Variants in CNTNAP2 observed in about 807,000 individuals in gnomAD.
The protein encoded by CNTNAP2 is contactin associated protein 2, also known as contactin-associated protein-like 2.
Under a neutral mutation model 155.2 loss-of-function variants are expected in CNTNAP2, and 98 were observed. The ratio of observed to expected loss-of-function variants is 0.63; its 90% CI spans 0.54 to 0.75. The LOEUF is 0.75. Ranked by LOEUF, CNTNAP2 falls within the 30% of genes least tolerant of loss-of-function variation. The probability of loss-of-function intolerance (pLI) is 0.00; values close to 1 mark genes in which losing one functional copy is unlikely to be tolerated. For synonymous variants in CNTNAP2, 651 were observed against 631.2 expected, an observed-to-expected ratio of 1.03 and a Z score of -0.47; for missense variants, 1,727 against 1,688.1, an observed-to-expected ratio of 1.02 and a Z score of -0.40.
chr7:147,529,069 T>C (rs913231936), intron 11 of CNTNAP2, among the ~76,000 whole-genome samples: 1 of 152,186 alleles, frequency 6.6e-6, no homozygotes, highest in Non-Finnish European at 1.5e-5. Flanking sequence ...TAGAATCAAA[T>C]GGCACAGAAA....
intron 1 of CNTNAP2, among the ~76,000 whole-genome samples, chr7:146,401,366 T>TA (rs1795711408): frequency 6.6e-6 from 1 of 151,846 alleles, no homozygotes; most frequent in Non-Finnish European, 1.5e-5. Context: ...AAATAAAAAA[T>TA]AAAAAATAAG....
intron 22 of CNTNAP2, among the ~76,000 whole-genome samples, chr7:148,403,017 T>G (rs1379910790): frequency 1.5e-4 from 7 of 46,418 alleles, no homozygotes; most frequent in Admixed American, 9.5e-4. Flanking sequence ...CAAATTTATC[T>G]TCTGTAGTTA....
chr7:147,626,240 G>A (rs983354235), intron 12 of CNTNAP2, among the ~76,000 whole-genome samples: 3 of 152,100 alleles, frequency 2.0e-5, no homozygotes, highest in East Asian at 3.9e-4. Context: ...CAGATGCAAA[G>A]GAGCAAGGGC....
chr7:146,844,760 C>T (rs1408634504), intron 3 of CNTNAP2, among the ~76,000 whole-genome samples: 2 of 152,024 alleles, frequency 1.3e-5, no homozygotes, highest in African/African-American at 2.4e-5. Flanking sequence ...GTCATATGAG[C>T]GCAGTTTTTG....
intron 13 of CNTNAP2, among the ~76,000 whole-genome samples, chr7:147,819,449 A>C (rs1784137838): frequency 6.6e-6 from 1 of 151,974 alleles, no homozygotes; most frequent in Admixed American, 6.6e-5. Flanking sequence ...CCAGATCTTG[A>C]TCCTCATTTT....
At chr7:146,837,687 T>C (rs556997850) in intron 2 of CNTNAP2, among the ~76,000 whole-genome samples, 24 of 152,324 alleles carry the variant, frequency 1.6e-4, no homozygotes, top group African/African-American at 4.8e-4. Context: ...CTTTCCTTAA[T>C]GGAGTGTCAA....
intron 22 of CNTNAP2, among the ~76,000 whole-genome samples, chr7:148,391,468 CT>C (rs1227783806): frequency 8.2e-6 from 1 of 121,964 alleles, no homozygotes; most frequent in Non-Finnish European, 1.6e-5. Context: ...CAATTCTGCT[CT>C]ATTGGAAACA....
intron 11 of CNTNAP2, among the ~76,000 whole-genome samples, chr7:147,528,201 C>G (rs17170577): frequency 0.11 from 16,526 of 152,242 alleles, 2,061 homozygotes; most frequent in African/African-American, 0.3. Context: ...AATAGTCAAA[C>G]TCAATTGTGG....
At chr7:146,438,198 T>C (rs1796271159) in intron 1 of CNTNAP2, among the ~76,000 whole-genome samples, 1 of 151,426 alleles carries the variant, frequency 6.6e-6, no homozygotes, top group African/African-American at 2.4e-5. Flanking sequence ...TCGTATCATA[T>C]AATAAAAAAC....
chr7:147,620,250 C>T (rs1356173728), intron 12 of CNTNAP2, among the ~76,000 whole-genome samples: 1 of 152,158 alleles, frequency 6.6e-6, no homozygotes, highest in African/African-American at 2.4e-5. Context: ...CAATAAATAT[C>T]TAGCTTTTTA....
chr7:146,419,852 T>C (rs947184594), intron 1 of CNTNAP2, among the ~76,000 whole-genome samples: 5 of 152,154 alleles, frequency 3.3e-5, no homozygotes, highest in African/African-American at 1.2e-4. Context: ...CTACATATTT[T>C]ATGCCCCTAA....
chr7:146,629,793 G>A (rs1035946159), intron 1 of CNTNAP2, among the ~76,000 whole-genome samples: 1 of 152,118 alleles, frequency 6.6e-6, no homozygotes, highest in African/African-American at 2.4e-5. Flanking sequence ...AGAAACTGGA[G>A]GCTTATGTTT....
At chr7:148,074,194 G>C (rs1215781249) in intron 15 of CNTNAP2, among the ~76,000 whole-genome samples, 1 of 152,122 alleles carries the variant, frequency 6.6e-6, no homozygotes, top group African/African-American at 2.4e-5. Flanking sequence ...TTGGACTTAG[G>C]AGTCAGTATC....
intron 14 of CNTNAP2, among the ~76,000 whole-genome samples, chr7:147,931,989 G>A (rs764316447): frequency 2.6e-5 from 4 of 151,996 alleles, no homozygotes; most frequent in Non-Finnish European, 5.9e-5. Flanking sequence ...GTGCTCAGGC[G>A]ATCCTCCTGC....
chr7:147,134,534 CACAT>C (rs1433602836), intron 8 of CNTNAP2, among the ~76,000 whole-genome samples: 1 of 151,428 alleles, frequency 6.6e-6, no homozygotes, highest in African/African-American at 2.4e-5. Flanking sequence ...CATACATACA[CACAT>C]ACATACATAG....
At chr7:146,471,692 A>G (rs1280711168) in intron 1 of CNTNAP2, among the ~76,000 whole-genome samples, 2 of 152,266 alleles carry the variant, frequency 1.3e-5, no homozygotes, top group Non-Finnish European at 2.9e-5. Flanking sequence ...CTTCTCATGT[A>G]ACACATATAT....
intron 19 of CNTNAP2, among the ~76,000 whole-genome samples, chr7:148,225,085 G>A (rs565275283): frequency 1.3e-5 from 2 of 152,292 alleles, no homozygotes; most frequent in South Asian, 4.1e-4. Context: ...CACTCCTACT[G>A]TGCATCAGGC....
At chr7:147,421,993 G>A (rs1440226513) in intron 10 of CNTNAP2, among the ~76,000 whole-genome samples, 1 of 151,584 alleles carries the variant, frequency 6.6e-6, no homozygotes, top group African/African-American at 2.4e-5. Context: ...TATAGACCGT[G>A]AGCCAATTAA....
intron 1 of CNTNAP2, among the ~76,000 whole-genome samples, chr7:146,208,088 A>T (rs1798976889): frequency 6.6e-6 from 1 of 152,048 alleles, no homozygotes; most frequent in Non-Finnish European, 1.5e-5. Flanking sequence ...TTAGTTCCTA[A>T]AGTATGTTCT....
Sources: gnomAD v4.1 joint callset for allele counts (sites outside exome capture counted in the v4.1 genomes callset) on GRCh38, gnomAD v4.1.1 for gene constraint, MANE v1.5 for transcripts, NCBI Gene and HGNC (gene_info 2026-07-23, HGNC 2026-07-21) for gene names.